HDAC4: variants seen among roughly 807,000 people sequenced by gnomAD.
HDAC4 encodes histone deacetylase 4.
A neutral mutation model predicts 135.1 loss-of-function variants in HDAC4; 16 were observed. That is an observed-to-expected ratio of 0.12 (90% CI 0.08 to 0.18). The LOEUF (loss-of-function observed/expected upper bound fraction) is 0.18, where lower values mean the gene tolerates loss of function less well. HDAC4 is among the 10% of genes least tolerant of loss of function. The pLI, the probability that HDAC4 is intolerant of heterozygous loss-of-function variation, is 1.00. For synonymous variants in HDAC4, 685 were observed against 653.4 expected, an observed-to-expected ratio of 1.05 and a Z score of -0.74; for missense variants, 1,143 against 1,511.8, an observed-to-expected ratio of 0.76 and a Z score of 4.05.
intron 2 of HDAC4, among the ~76,000 whole-genome samples, chr2:239,345,714 A>G (rs543447820): frequency 6.6e-6 from 1 of 151,068 alleles, no homozygotes; most frequent in African/African-American, 2.4e-5. Flanking sequence ...TCACCCTAAC[A>G]CACACACCCT....
At chr2:239,085,041 G>GACAGACAGACAC (rs1553609590) in intron 19 of HDAC4, among the ~76,000 whole-genome samples, 3 of 138,784 alleles carry the variant, frequency 2.2e-5, no homozygotes, top group African/African-American at 8.3e-5. Context: ...GAGACAGACA[G>GACAGACAGACAC]ACACACACAC....
intron 2 of HDAC4, among the ~76,000 whole-genome samples, chr2:239,344,169 G>A (rs938972135): frequency 5.9e-5 from 9 of 152,150 alleles, no homozygotes; most frequent in Admixed American, 3.9e-4. Context: ...ACCTGTCCAC[G>A]TGCGACCTGC....
intron 22 of HDAC4, among the ~76,000 whole-genome samples, chr2:239,073,480 C>G (rs931683336): frequency 6.6e-6 from 1 of 152,228 alleles, no homozygotes; most frequent in African/African-American, 2.4e-5. Context: ...ACAGGACAGA[C>G]AGTGCATCGG....
In HDAC4 at chr2:239,127,286, T is replaced by A. The variant is rs145674541; in HGVS notation, c.1295-592A>T. Among the ~76,000 whole-genome samples, 9 of 152,346 alleles carry A rather than the reference T, an allele frequency of 5.9e-5. No homozygotes were observed. The East Asian group carries it at 1.2e-3, about 20-fold the overall frequency. On this transcript the variant is annotated intron_variant, in intron 11 of 26. Transcript: ENST00000543185. ...TTGTCAAAACCCCTTTCTGAAAAGA[T>A]CTGGCTAATCCCTGCCAGCGAGTGG...
chr2:239,241,111 C>T (rs777947650), intron 2 of HDAC4, among the ~76,000 whole-genome samples: 17 of 152,182 alleles, frequency 1.1e-4, no homozygotes, highest in Non-Finnish European at 2.4e-4. Context: ...AGCGGCTTGT[C>T]TGAAGCTGGA....
chr2:239,238,100 T>C (rs944719369), intron 2 of HDAC4, among the ~76,000 whole-genome samples: 22 of 152,118 alleles, frequency 1.4e-4, no homozygotes, highest in African/African-American at 5.1e-4. Flanking sequence ...ATGGCCTGGA[T>C]GCTGAATTGT....
chr2:239,143,221 G>A (rs1181955978), intron 8 of HDAC4, among the ~76,000 whole-genome samples: 1 of 151,730 alleles, frequency 6.6e-6, no homozygotes, highest in Non-Finnish European at 1.5e-5. Context: ...ACACTCAGAA[G>A]AAGCTTGCTG....
intron 2 of HDAC4, among the ~76,000 whole-genome samples, chr2:239,248,273 C>T (rs952600240): frequency 5.3e-5 from 8 of 151,976 alleles, no homozygotes; most frequent in East Asian, 1.9e-4. Flanking sequence ...CTCCGCCTCC[C>T]GGGTTCAAGC....
intron 3 of HDAC4, among the ~76,000 whole-genome samples, chr2:239,208,508 C>T (rs1225442547): frequency 4.0e-5 from 6 of 151,866 alleles, no homozygotes. Context: ...GCTTCTTTAA[C>T]CAAAAAAGAG....
At chr2:239,383,527 C>T (rs1695567732) in intron 1 of HDAC4, among the ~76,000 whole-genome samples, 1 of 152,046 alleles carries the variant, frequency 6.6e-6, no homozygotes, top group Admixed American at 6.5e-5. Flanking sequence ...CTGAGCGCCA[C>T]AGAGAAACCC....
At position 239,053,504 on chromosome 2, in the gene HDAC4, G is replaced by A. The variant is rs756300642; in HGVS notation, c.3186C>T (p.Thr1062=). 1.9e-5 allele frequency: 30 copies of A among 1,613,690 alleles called. No homozygotes were observed. The highest frequency in any genetic ancestry group is 1.5e-4 in the Admixed American group (9 of 60,008). ...TCENEEAETV[T]AMASLSVGVK... ...CGCCCACGGACAGCGAGGCCATGGC[G>A]GTGACCGTCTCGGCTTCTTCGTTCT... is the stretch of plus-strand genomic sequence containing the variant. Residue 1062 remains threonine, a synonymous_variant, in exon 26 of 27, where the codon ACC becomes ACT. Coordinates refer to ENST00000543185, the MANE Select transcript of HDAC4 (RefSeq NM_001378414.1).
intron 2 of HDAC4, among the ~76,000 whole-genome samples, chr2:239,317,108 G>A (rs2053143210): frequency 6.6e-6 from 1 of 152,184 alleles, no homozygotes; most frequent in Admixed American, 6.5e-5. Context: ...GACTCTAGTT[G>A]GGGGTTTCTT....
intron 11 of HDAC4, among the ~76,000 whole-genome samples, chr2:239,131,626 G>A (rs763874969): frequency 4.6e-5 from 7 of 152,134 alleles, no homozygotes; most frequent in South Asian, 2.1e-4. Context: ...GCATTGAGCC[G>A]GCTGGCCTGG....
intron 2 of HDAC4, among the ~76,000 whole-genome samples, chr2:239,326,322 T>C (rs111445159): frequency 1.9e-3 from 289 of 152,236 alleles, no homozygotes; most frequent in African/African-American, 6.6e-3. Context: ...TCAGATTCGC[T>C]GAGAAAGCAG....
intron 5 of HDAC4, among the ~76,000 whole-genome samples, chr2:239,173,809 T>C (rs959974275): frequency 6.6e-6 from 1 of 152,212 alleles, no homozygotes; most frequent in Non-Finnish European, 1.5e-5. Flanking sequence ...TTAACAGGGT[T>C]GCTGGACACA....
intron 3 of HDAC4, among the ~76,000 whole-genome samples, chr2:239,229,333 C>T (rs1462425288): frequency 1.3e-5 from 2 of 152,150 alleles, no homozygotes; most frequent in South Asian, 2.1e-4. Context: ...CAGACTCCTG[C>T]GTCTGGCCTT....
At chr2:239,090,656 A>AG (rs2036427121) in intron 17 of HDAC4, among the ~76,000 whole-genome samples, 1 of 151,612 alleles carries the variant, frequency 6.6e-6, no homozygotes, top group Non-Finnish European at 1.5e-5. Context: ...AAAGGAAAAA[A>AG]AAAAAACTGG....
At chr2:239,345,827 A>C (rs1692598332) in intron 2 of HDAC4, among the ~76,000 whole-genome samples, 1 of 147,442 alleles carries the variant, frequency 6.8e-6, no homozygotes, top group Admixed American at 6.8e-5. Flanking sequence ...TCTAAAATAC[A>C]CACCCCCGTC....
intron 1 of HDAC4, among the ~76,000 whole-genome samples, chr2:239,380,359 A>G (rs941949801): frequency 6.6e-6 from 1 of 152,208 alleles, no homozygotes; most frequent in African/African-American, 2.4e-5. Flanking sequence ...TTATAAATAC[A>G]CATTTACTAT....
Sources: allele counts gnomAD v4.1 joint callset (sites outside exome capture counted in the v4.1 genomes callset), GRCh38; gene constraint gnomAD v4.1.1; transcripts MANE v1.5; gene names NCBI Gene and HGNC (gene_info 2026-07-23, HGNC 2026-07-21).